The following TTF1 variants were observed in gnomAD, a reference collection of about 807,000 sequenced individuals.
The protein encoded by TTF1 is transcription termination factor 1, also known as transcription termination factor, RNA polymerase I.
Under a neutral mutation model 80.2 loss-of-function variants are expected in TTF1, and 64 were observed. That is an observed-to-expected ratio of 0.80 (90% CI 0.65 to 0.98). The LOEUF (loss-of-function observed/expected upper bound fraction) is 0.98, where lower values mean the gene tolerates loss of function less well. TTF1 is among the 50% of genes least tolerant of loss of function. The pLI is 0.00. For missense variants in TTF1, 1,023 were observed against 1,086.2 expected (o/e 0.94, Z 0.82); for synonymous variants, 372 against 382.7 (o/e 0.97, Z 0.33).
At chr9:132,395,207 C>A (rs1020962452) in intron 5 of TTF1, among the ~76,000 whole-genome samples, 2 of 151,854 alleles carry the variant, frequency 1.3e-5, no homozygotes, top group Non-Finnish European at 2.9e-5. Flanking sequence ...AAGAAAAAAA[C>A]AACAAAAAAT....
intron 1 of TTF1, among the ~76,000 whole-genome samples, chr9:132,403,990 T>G (rs956626370): frequency 2.6e-5 from 4 of 152,234 alleles, no homozygotes; most frequent in Non-Finnish European, 4.4e-5. Context: ...TACAGAAATA[T>G]AAATGCACTT....
intron 1 of TTF1, among the ~76,000 whole-genome samples, chr9:132,406,417 C>A (rs1031833619): frequency 2.6e-5 from 4 of 152,106 alleles, no homozygotes; most frequent in African/African-American, 4.8e-5. Flanking sequence ...GCCTGGCCAA[C>A]ATGGTGAAAC....
At position 132,406,110 on chromosome 9, in the gene TTF1, G is replaced by GAA. The variant is rs540843179; in HGVS notation, c.-8+679_-8+680insTT. Among the ~76,000 whole-genome samples, 473 of 152,234 alleles carry GAA rather than the reference G, an allele frequency of 3.1e-3. 2 individuals carry two copies. Among genetic ancestry groups the GAA allele is most frequent in the African/African-American group, 0.011 (459 of 41,534 alleles). On this transcript the variant is annotated intron_variant, in intron 1 of 10. Transcript: ENST00000334270. The stretch of plus-strand genomic sequence containing the variant: ...CCCCAGTCAGTGCTCGATACATATT[G>GAA]AGAACGGATATGCATTTATCCCCCC...
At chr9:132,394,757 G>A (rs2131640268) in intron 5 of TTF1, among the ~76,000 whole-genome samples, 1 of 152,142 alleles carries the variant, frequency 6.6e-6, no homozygotes, top group Admixed American at 6.5e-5. Context: ...GCTGGGTGTG[G>A]TGGCACACGC....
At position 132,388,188 on chromosome 9, in the gene TTF1, T is replaced by G. The variant is rs550746748; in HGVS notation, c.2263A>C (p.Ile755Leu). ...LTKRMTNGRR[I>L]YYGMNALRAK... ...CGCAGGGCATTCATGCCATAGTAGATACGCCGACCATTAGTCATCCTCTTG... is the reference window on the plus strand; with the variant it reads ...CGCAGGGCATTCATGCCATAGTAGAGACGCCGACCATTAGTCATCCTCTTG... Residue 755 changes from isoleucine to leucine, a missense_variant, in exon 8 of 11, where the codon ATC (isoleucine) becomes CTC (leucine). By Grantham distance (5) the Ile-to-Leu change is conservative (BLOSUM62 2). Coordinates refer to ENST00000334270, the MANE Select transcript of TTF1 (RefSeq NM_007344.4). The G allele has an allele frequency of 6.2e-7, 1 of 1,611,940 alleles. No individual in the cohort carries two copies. The highest frequency in any genetic ancestry group is 1.7e-5 in the Admixed American group (1 of 59,994).
chr9:132,385,903 T>C (rs1454310878), intron 9 of TTF1, among the ~76,000 whole-genome samples: 3 of 152,206 alleles, frequency 2.0e-5, no homozygotes, highest in Non-Finnish European at 4.4e-5. Context: ...GAATGGATGC[T>C]CTACCAGGCA....
chr9:132,400,328 C>T, intron 2 of TTF1, 70 bp from the exon 3 acceptor site: 1 of 1,390,660 alleles, frequency 7.2e-7, no homozygotes, highest in Non-Finnish European at 1.0e-6. Flanking sequence ...AAAATTTTTC[C>T]TTCTTTTTTT....
At chr9:132,393,272 C>CCT (rs1232679819) in intron 5 of TTF1, among the ~76,000 whole-genome samples, 1 of 151,600 alleles carries the variant, frequency 6.6e-6, no homozygotes, top group Non-Finnish European at 1.5e-5. Flanking sequence ...GGAGCAAGCC[C>CCT]CCCCCGCAAA....
At chr9:132,401,321 C>T (rs1224644038) in intron 2 of TTF1, 134 bp downstream of exon 2, 1 of 842,516 alleles carries the variant, frequency 1.2e-6, no homozygotes, top group Non-Finnish European at 1.5e-6. Flanking sequence ...AGCAAATCTC[C>T]ACCTCAAAAA....
Position 132,376,160 on chromosome 9 carries a change from C to G in TTF1, c.2473G>C (p.Asp825His). 1.2e-6 allele frequency: 2 copies of G among 1,611,806 alleles called. No homozygotes were observed. Among genetic ancestry groups the G allele is most frequent in the Non-Finnish European group, 1.7e-6 (2 of 1,179,722 alleles). ...GGTAGAGTCGTCTCATAAAGGTAGT[C>G]GATGATCTCTACAGAAAAGAAATTT... ...WQKKTFPEII[D>H]YLYETTLPLL... The change falls in exon 11 of 11, where the codon GAC (aspartate) becomes CAC (histidine). Residue 825 changes from aspartate to histidine, a missense_variant. Coordinates refer to ENST00000334270, the MANE Select transcript of TTF1 (RefSeq NM_007344.4).
chr9:132,380,342 G>A (rs1026856293), intron 9 of TTF1, among the ~76,000 whole-genome samples: 76 of 152,318 alleles, frequency 5.0e-4, no homozygotes, highest in African/African-American at 1.8e-3. Context: ...GCCTCCCAAA[G>A]TGCTGGGACT....
Position 132,402,137 on chromosome 9 carries a change from G to A in TTF1, c.685C>T (p.Arg229Trp), listed in dbSNP as rs139662903. The A allele has an allele frequency of 1.2e-4, 187 of 1,614,000 alleles. 1 individual carries two copies. Among genetic ancestry groups the A allele is most frequent in the South Asian group, 4.2e-4 (38 of 91,070 alleles). The part of the protein sequence containing the change: ...SKKKKKKSSN[R>W]EYETLAMPEG... The stretch of plus-strand genomic sequence containing the variant: ...GGCATGGCCAGTGTCTCATATTCCC[G>A]GTTACTGGACTTTTTCTTTTTTTTC... The change falls in exon 2 of 11, where the codon CGG becomes TGG. Residue 229 changes from arginine to tryptophan, a missense_variant. Arg to Trp is a moderately radical substitution (Grantham distance 101). Coordinates refer to ENST00000334270, the MANE Select transcript of TTF1 (RefSeq NM_007344.4).
In TTF1 at chr9:132,401,756, C is replaced by T. The variant is rs148781108; in HGVS notation, c.1066G>A (p.Ala356Thr). ...AVAMPESLES[A>T]YPEGSQVGSE... ...CCCACCTGTGATCCTTCAGGGTATG[C>T]ACTCTCGAGGCTCTCAGGCATGGCC... The change falls in exon 2 of 11, where the codon GCA (alanine) becomes ACA (threonine). Residue 356 changes from alanine (A) to threonine (T), a missense_variant. Coordinates refer to ENST00000334270, the MANE Select transcript of TTF1 (RefSeq NM_007344.4). 5.5e-5 allele frequency: 88 copies of T among 1,614,022 alleles called. No individual in the cohort carries two copies. The highest frequency in any genetic ancestry group is 2.1e-4 in the African/African-American group (16 of 74,900).
chr9:132,402,794 T>C lies in TTF1; in HGVS notation c.28A>G (p.Ile10Val), dbSNP rs200080604. Reference sequence around the variant, plus strand: ...TTCTTGTCAGAAACTGGAGTGTGGATTTCAAATCTGCTTGATTCTCCTTCC... The same window carrying C: ...TTCTTGTCAGAAACTGGAGTGTGGACTTCAAATCTGCTTGATTCTCCTTCC... MEGESSRFEIHTPVSDKKKK... is the reference protein window; with the variant it reads MEGESSRFEVHTPVSDKKKK... Residue 10 changes from isoleucine to valine, a missense_variant, in exon 2 of 11, where the codon ATC becomes GTC. Physicochemically the swap from Ile to Val is conservative, Grantham distance 29. Transcript: ENST00000334270. 6.3e-7 allele frequency: 1 copy of C among 1,586,234 alleles called. No individual in the cohort carries two copies. Among genetic ancestry groups the C allele is most frequent in the Non-Finnish European group, 8.5e-7 (1 of 1,170,558 alleles).
chr9:132,402,915 G>T (rs543630403), intron 1 of TTF1, 87 bp from the exon 2 acceptor site: 130 of 1,319,760 alleles, frequency 9.9e-5, no homozygotes, highest in Non-Finnish European at 1.2e-4. Context: ...GAGTGCAGTG[G>T]CGCGATCTCG....
At chr9:132,395,684 A>G (rs188462445) in intron 5 of TTF1, among the ~76,000 whole-genome samples, 19 of 152,310 alleles carry the variant, frequency 1.2e-4, no homozygotes, top group Non-Finnish European at 1.5e-5. Flanking sequence ...GTAATGACCT[A>G]TGTCTCAGTT....
At chr9:132,378,445 T>G (rs1849292237) in intron 10 of TTF1, among the ~76,000 whole-genome samples, 1 of 118,062 alleles carries the variant, frequency 8.5e-6, no homozygotes, top group Non-Finnish European at 1.7e-5. Flanking sequence ...TGAATGCATG[T>G]GGTGTGAGTG....
chr9:132,378,391 ATGCATGTGGTGTGAG>A lies in TTF1; in HGVS notation c.2464+653_2464+667del, dbSNP rs1564182157. On this transcript the variant is annotated intron_variant, in intron 10 of 10. Transcript: ENST00000334270. ...GAATGCATGTGGTGTGTGTGAGTGC[ATGCATGTGGTGTGAG>A]TGCATGTGGTGTGAGTGCATGTGGT... Among the ~76,000 whole-genome samples the A allele has an allele frequency of 1.1e-3, 113 of 99,538 alleles. 9 individuals carry two copies. The East Asian group carries it at 0.029, about 25-fold the overall frequency. The allele number at this position is 99,538 out of a possible 152,430, so 65.3% of individuals were successfully genotyped here. A position where few individuals can be genotyped will look rare whatever the true frequency, so the allele number is the denominator to read the frequency against.
Position 132,394,279 on chromosome 9 carries a change from C to T in TTF1, c.1857-2073G>A, listed in dbSNP as rs141730572. Among the ~76,000 whole-genome samples the T allele has an allele frequency of 3.1e-3, 473 of 151,700 alleles. 2 individuals carry two copies. Among genetic ancestry groups the T allele is most frequent in the African/African-American group, 0.011 (460 of 41,376 alleles). ...GTATGGTGAATAGAAACTGGTTATT[C>T]TTCACTATTTTTTTTTTTGAGGCGG... On this transcript the variant is annotated intron_variant, in intron 5 of 10. Transcript: ENST00000334270.
Sources: gnomAD v4.1 joint callset for allele counts (sites outside exome capture counted in the v4.1 genomes callset) on GRCh38, gnomAD v4.1.1 for gene constraint, MANE v1.5 for transcripts, NCBI Gene and HGNC (gene_info 2026-07-23, HGNC 2026-07-21) for gene names.